PINX1: variants seen among roughly 807,000 people sequenced by gnomAD.
PINX1 encodes the protein PIN2 (TERF1) interacting telomerase inhibitor 1.
A neutral mutation model predicts 25.4 loss-of-function variants in PINX1; 34 were observed. The ratio of observed to expected loss-of-function variants is 1.34; its 90% CI spans 1.02 to 1.78. The LOEUF (loss-of-function observed/expected upper bound fraction) is 1.78. Ranked by LOEUF, PINX1 falls within the 40% of genes most tolerant of loss-of-function variation. The pLI, the probability that PINX1 is intolerant of heterozygous loss-of-function variation, is 0.00. For missense variants in PINX1, 592 were observed against 404.9 expected (o/e 1.46, Z -3.97); for synonymous variants, 197 against 147.7 (o/e 1.33, Z -2.42).
At chr8:10,788,840 A>T (rs1285475560) in intron 6 of PINX1, among the ~76,000 whole-genome samples, 1 of 152,198 alleles carries the variant, frequency 6.6e-6, no homozygotes, top group Non-Finnish European at 1.5e-5. Flanking sequence ...CCCTTATGAG[A>T]TCATGGATTG....
At chr8:10,779,076 G>A (rs1801503066) in intron 6 of PINX1, among the ~76,000 whole-genome samples, 2 of 152,228 alleles carry the variant, frequency 1.3e-5, no homozygotes, top group East Asian at 1.9e-4. Flanking sequence ...ATGGAGGGTA[G>A]CGGAGAAATA....
intron 6 of PINX1, among the ~76,000 whole-genome samples, chr8:10,788,898 G>A (rs1801835087): frequency 6.7e-6 from 1 of 150,020 alleles, no homozygotes; most frequent in Admixed American, 6.7e-5. Flanking sequence ...TTCCCTGAAA[G>A]AGTCACAATT....
At chr8:10,783,781 C>T (rs1259551713) in intron 6 of PINX1, among the ~76,000 whole-genome samples, 1 of 152,200 alleles carries the variant, frequency 6.6e-6, no homozygotes, top group Non-Finnish European at 1.5e-5. Flanking sequence ...GATTAAAGTA[C>T]TATTACTCAG....
At chr8:10,774,248 A>T (rs1801317819) in intron 6 of PINX1, among the ~76,000 whole-genome samples, 1 of 152,166 alleles carries the variant, frequency 6.6e-6, no homozygotes, top group African/African-American at 2.4e-5. Flanking sequence ...GATTCTATTA[A>T]ATGTAAAATC....
rs1410722440 is a variant in PINX1, at chr8:10,765,621, G to A, written c.767C>T (p.Pro256Leu). 8.1e-6 allele frequency: 13 copies of A among 1,613,680 alleles called. No homozygotes were observed. In the Admixed American group the frequency reaches 1.3e-4, roughly 17 times the overall value. ...GGGGCCTCTGAGCTGCTCTTCTGCTGGCGCGCTCTTCTTCTTGGCCACTCG... is the reference window on the plus strand; with the variant it reads ...GGGGCCTCTGAGCTGCTCTTCTGCTAGCGCGCTCTTCTTCTTGGCCACTCG... ...QERVAKKKSA[P>L]AEEQLRGPCW... The change falls in exon 7 of 7, where the codon CCA (proline) becomes CTA (leucine). Residue 256 changes from proline (P) to leucine (L), a missense_variant. Coordinates refer to ENST00000314787, the MANE Select transcript of PINX1 (RefSeq NM_017884.6).
intron 6 of PINX1, among the ~76,000 whole-genome samples, chr8:10,812,629 G>C (rs991343195): frequency 2.0e-5 from 3 of 152,196 alleles, no homozygotes; most frequent in Non-Finnish European, 4.4e-5. Flanking sequence ...TCTTCCATCT[G>C]TTTCTGTGCA....
intron 6 of PINX1, among the ~76,000 whole-genome samples, chr8:10,801,553 C>T (rs1005938016): frequency 4.6e-5 from 7 of 152,182 alleles, no homozygotes; most frequent in African/African-American, 1.2e-4. Flanking sequence ...CAAGCTTAAC[C>T]TCTATAAACC....
At chr8:10,817,895 C>T (rs1249571846) in intron 6 of PINX1, among the ~76,000 whole-genome samples, 3 of 151,986 alleles carry the variant, frequency 2.0e-5, no homozygotes, top group East Asian at 3.9e-4. Context: ...CCTTACTGAA[C>T]GTCAGAATAA....
intron 6 of PINX1, among the ~76,000 whole-genome samples, chr8:10,768,122 C>G (rs1469132506): frequency 6.7e-6 from 1 of 149,786 alleles, no homozygotes; most frequent in African/African-American, 2.5e-5. Context: ...CACACAGAGA[C>G]AGGCTCGGTG....
At chr8:10,832,433 C>T (rs1429351712) in intron 3 of PINX1, among the ~76,000 whole-genome samples, 1 of 152,174 alleles carries the variant, frequency 6.6e-6, no homozygotes, top group East Asian at 1.9e-4. Flanking sequence ...GTTTACTGGG[C>T]AATGCTTCTT....
At chr8:10,830,045 A>T (rs750314673) in intron 4 of PINX1, among the ~76,000 whole-genome samples, 8 of 152,240 alleles carry the variant, frequency 5.3e-5, no homozygotes, top group Non-Finnish European at 5.9e-5. Context: ...TTCTGTGTAT[A>T]ATTAGTAAGG....
At chr8:10,802,091 G>C (rs945428493) in intron 6 of PINX1, among the ~76,000 whole-genome samples, 2 of 151,668 alleles carry the variant, frequency 1.3e-5, no homozygotes, top group African/African-American at 4.8e-5. Flanking sequence ...ATGATTCAAA[G>C]AAATGAACAA....
At chr8:10,794,423 CTT>C (rs2129077617) in intron 6 of PINX1, among the ~76,000 whole-genome samples, 1 of 152,126 alleles carries the variant, frequency 6.6e-6, no homozygotes. Flanking sequence ...GGAGCAAACC[CTT>C]CGCCTGTTGC....
At chr8:10,814,005 G>C (rs1015815974) in intron 6 of PINX1, among the ~76,000 whole-genome samples, 4 of 152,150 alleles carry the variant, frequency 2.6e-5, no homozygotes, top group African/African-American at 7.2e-5. Context: ...AACCAAGTGA[G>C]AGAAGACACA....
intron 1 of PINX1, among the ~76,000 whole-genome samples, chr8:10,836,699 G>A (rs1798417399): frequency 6.6e-6 from 1 of 151,828 alleles, no homozygotes; most frequent in African/African-American, 2.4e-5. Context: ...GGGGGCGGGG[G>A]GTGGCAGTTT....
chr8:10,789,029 G>A (rs1300866476), intron 6 of PINX1, among the ~76,000 whole-genome samples: 1 of 152,164 alleles, frequency 6.6e-6, no homozygotes, highest in Non-Finnish European at 1.5e-5. Flanking sequence ...GCCCTTTGTG[G>A]GAGCGTGAAA....
intron 6 of PINX1, among the ~76,000 whole-genome samples, chr8:10,781,875 C>G (rs1406943613): frequency 6.6e-6 from 1 of 152,166 alleles, no homozygotes; most frequent in African/African-American, 2.4e-5. Context: ...GTGAAGATGC[C>G]TGCAGTCCCA....
At chr8:10,807,568 G>C (rs977106475) in intron 6 of PINX1, among the ~76,000 whole-genome samples, 1 of 152,074 alleles carries the variant, frequency 6.6e-6, no homozygotes, top group Non-Finnish European at 1.5e-5. Context: ...TAGGGTTTTA[G>C]AATCTGAGCA....
chr8:10,782,475 C>G (rs1260945841), intron 6 of PINX1, among the ~76,000 whole-genome samples: 4 of 152,028 alleles, frequency 2.6e-5, no homozygotes, highest in Non-Finnish European at 1.5e-5. Context: ...GTGGCTCACG[C>G]CTGTAATCCT....
Sources: gnomAD v4.1 joint callset for allele counts (sites outside exome capture counted in the v4.1 genomes callset) on GRCh38, gnomAD v4.1.1 for gene constraint, MANE v1.5 for transcripts, NCBI Gene and HGNC (gene_info 2026-07-23, HGNC 2026-07-21) for gene names.